The following CSMD3 variants were observed in gnomAD, a reference collection of about 807,000 sequenced individuals.
CSMD3 encodes the protein CUB and Sushi multiple domains 3.
Under a neutral mutation model 435.2 loss-of-function variants are expected in CSMD3, and 177 were observed. The ratio of observed to expected loss-of-function variants is 0.41; its 90% CI spans 0.36 to 0.46. CSMD3 has a LOEUF of 0.46. Ranked by LOEUF, CSMD3 falls within the 20% of genes least tolerant of loss-of-function variation. The pLI is 0.34. For synonymous variants in CSMD3, 1,656 were observed against 1,520.5 expected, an observed-to-expected ratio of 1.09 and a Z score of -2.07; for missense variants, 4,265 against 4,504.6, an observed-to-expected ratio of 0.95 and a Z score of 1.52.
At chr8:112,887,759 G>T (rs988925315) in intron 10 of CSMD3, among the ~76,000 whole-genome samples, 2 of 149,820 alleles carry the variant, frequency 1.3e-5, no homozygotes, top group Non-Finnish European at 3.0e-5. Flanking sequence ...AAACTTGAAT[G>T]ATCCAAGAAC....
At chr8:112,880,688 G>A (rs1413179118) in intron 10 of CSMD3, among the ~76,000 whole-genome samples, 1 of 151,830 alleles carries the variant, frequency 6.6e-6, no homozygotes, top group Non-Finnish European at 1.5e-5. Context: ...TATTCAAGGG[G>A]GTCATATATG....
intron 3 of CSMD3, among the ~76,000 whole-genome samples, chr8:113,259,466 CTG>C (rs1409221405): frequency 2.0e-5 from 3 of 152,206 alleles, no homozygotes; most frequent in East Asian, 3.9e-4. Flanking sequence ...TTGAATGACT[CTG>C]AGGTTTTCTA....
intron 32 of CSMD3, among the ~76,000 whole-genome samples, chr8:112,465,141 C>T (rs1217977152): frequency 1.3e-5 from 2 of 151,932 alleles, no homozygotes; most frequent in African/African-American, 4.8e-5. Context: ...GGTGATTATC[C>T]CCACTGTGTC....
intron 5 of CSMD3, among the ~76,000 whole-genome samples, chr8:113,090,050 C>G (rs2089949884): frequency 6.6e-6 from 1 of 151,774 alleles, no homozygotes; most frequent in Non-Finnish European, 1.5e-5. Flanking sequence ...GTAGAAGGGA[C>G]CAGTGAGTTT....
chr8:113,392,988 T>C (rs976017362), intron 1 of CSMD3, among the ~76,000 whole-genome samples: 22 of 148,254 alleles, frequency 1.5e-4, no homozygotes, highest in African/African-American at 5.3e-4. Flanking sequence ...TATACATATG[T>C]ATATATATAT....
At chr8:112,376,893 G>A (rs1195035566) in intron 38 of CSMD3, among the ~76,000 whole-genome samples, 1 of 152,054 alleles carries the variant, frequency 6.6e-6, no homozygotes, top group Non-Finnish European at 1.5e-5. Context: ...TTTGTCTTCT[G>A]GAGTTTGCAT....
chr8:113,274,249 G>T (rs1588422649), intron 3 of CSMD3, among the ~76,000 whole-genome samples: 1 of 151,782 alleles, frequency 6.6e-6, no homozygotes, highest in Admixed American at 6.6e-5. Flanking sequence ...TGAAATATTT[G>T]CCTAAAGAAT....
intron 12 of CSMD3, among the ~76,000 whole-genome samples, chr8:112,823,950 G>C (rs1283931573): frequency 6.6e-6 from 1 of 152,074 alleles, no homozygotes; most frequent in Non-Finnish European, 1.5e-5. Flanking sequence ...TATTGTGTGG[G>C]AGACTAAGTC....
chr8:112,597,347 A>G (rs1356967065), intron 22 of CSMD3, among the ~76,000 whole-genome samples: 1 of 151,538 alleles, frequency 6.6e-6, no homozygotes, highest in African/African-American at 2.4e-5. Flanking sequence ...TAGACCAATA[A>G]CAGGAGCTGA....
At chr8:113,299,388 G>T (rs1459596220) in intron 2 of CSMD3, among the ~76,000 whole-genome samples, 1 of 152,086 alleles carries the variant, frequency 6.6e-6, no homozygotes, top group African/African-American at 2.4e-5. Context: ...CATAAAATAT[G>T]TTGCCCTGCC....
At chr8:112,761,506 G>GAAAAATATT (rs1307891962) in intron 13 of CSMD3, among the ~76,000 whole-genome samples, 2 of 151,962 alleles carry the variant, frequency 1.3e-5, no homozygotes, top group Non-Finnish European at 2.9e-5. Context: ...CATGATAAGT[G>GAAAAATATT]TTACCCCTCT....
intron 6 of CSMD3, among the ~76,000 whole-genome samples, chr8:112,994,186 A>G (rs2085558678): frequency 1.3e-5 from 2 of 151,830 alleles, no homozygotes; most frequent in African/African-American, 2.4e-5. Context: ...TTTCTTCTAA[A>G]TATCAGTTAA....
At chr8:112,583,027 T>C (rs922126517) in intron 23 of CSMD3, among the ~76,000 whole-genome samples, 5 of 152,046 alleles carry the variant, frequency 3.3e-5, no homozygotes, top group African/African-American at 1.2e-4. Context: ...ACAGCTCACA[T>C]GATCTAAGAT....
chr8:112,876,817 T>C (rs2081295924), intron 10 of CSMD3, among the ~76,000 whole-genome samples: 1 of 152,122 alleles, frequency 6.6e-6, no homozygotes, highest in Admixed American at 6.6e-5. Flanking sequence ...AAAGTCAAAT[T>C]GTCTCTGTTT....
chr8:112,908,790 C>T (rs1031818903), intron 10 of CSMD3, among the ~76,000 whole-genome samples: 8 of 151,448 alleles, frequency 5.3e-5, no homozygotes, highest in African/African-American at 1.9e-4. Flanking sequence ...AAAGATTTCA[C>T]AAAAGTTTTT....
At chr8:112,505,985 T>C (rs1018877018) in intron 29 of CSMD3, among the ~76,000 whole-genome samples, 3 of 152,136 alleles carry the variant, frequency 2.0e-5, no homozygotes, top group Non-Finnish European at 4.4e-5. Flanking sequence ...TCATCCATTT[T>C]GATATTTCTA....
intron 1 of CSMD3, among the ~76,000 whole-genome samples, chr8:113,428,723 C>T (rs2094651794): frequency 6.6e-6 from 1 of 151,826 alleles, no homozygotes; most frequent in African/African-American, 2.4e-5. Context: ...ATCCTCTCTA[C>T]ATAGTAAATA....
At chr8:112,428,183 G>A (rs1813277784) in intron 32 of CSMD3, among the ~76,000 whole-genome samples, 1 of 152,018 alleles carries the variant, frequency 6.6e-6, no homozygotes, top group Non-Finnish European at 1.5e-5. Flanking sequence ...AATTCTATTA[G>A]TGTTTTATTA....
In CSMD3 at chr8:112,583,447, G is replaced by GT. The variant is rs752943383; in HGVS notation, c.3885+3618dup. 1.8e-4 allele frequency among the ~76,000 whole-genome samples: 28 copies of GT among 151,860 alleles called. No homozygotes were observed. In the East Asian group the frequency reaches 3.1e-3, roughly 17 times the overall value. ...TACTTTAAGGCATATATGTTTCAAA[G>GT]TTTTTTTTAATGTGAACATTAAAGG... On this transcript the variant is annotated intron_variant, in intron 23 of 70. Coordinates refer to ENST00000297405, the MANE Select transcript of CSMD3 (RefSeq NM_198123.2).
Sources: gnomAD v4.1 joint callset for allele counts (sites outside exome capture counted in the v4.1 genomes callset) on GRCh38, gnomAD v4.1.1 for gene constraint, MANE v1.5 for transcripts, NCBI Gene and HGNC (gene_info 2026-07-23, HGNC 2026-07-21) for gene names.